RBMS3: variants seen among roughly 807,000 people sequenced by gnomAD.
RBMS3 encodes the protein RNA binding motif single stranded interacting protein 3.
A neutral mutation model predicts 66.8 loss-of-function variants in RBMS3; 27 were observed. The observed-to-expected ratio is 0.40, with a 90% CI of 0.30 to 0.56. The LOEUF is 0.56. Among genes scored for constraint, RBMS3 ranks in the 20% least tolerant of loss-of-function variants. The pLI, the probability that RBMS3 is intolerant of heterozygous loss-of-function variation, is 0.40. For missense variants in RBMS3, 513 were observed against 549.5 expected (o/e 0.93, Z 0.66); for synonymous variants, 188 against 183.0 (o/e 1.03, Z -0.22).
chr3:29,585,160 GAATA>G (rs2149090331), intron 3 of RBMS3, among the ~76,000 whole-genome samples: 1 of 152,210 alleles, frequency 6.6e-6, no homozygotes, highest in South Asian at 2.1e-4. Flanking sequence ...ATTATTGAAT[GAATA>G]AATAAGCCGA....
intron 4 of RBMS3, among the ~76,000 whole-genome samples, chr3:29,654,741 C>T (rs1484865439): frequency 6.6e-6 from 1 of 150,712 alleles, no homozygotes; most frequent in Non-Finnish European, 1.5e-5. Context: ...AGGCACACAT[C>T]ACCATGCCCA....
intron 7 of RBMS3, chr3:29,880,715 T>C: frequency 6.9e-7 from 1 of 1,442,516 alleles, no homozygotes; most frequent in Non-Finnish European, 9.4e-7. Flanking sequence ...TGCCATGTTG[T>C]TACCCACAAT....
At chr3:29,932,354 T>G (rs995647391) in intron 10 of RBMS3, among the ~76,000 whole-genome samples, 1 of 152,198 alleles carries the variant, frequency 6.6e-6, no homozygotes, top group African/African-American at 2.4e-5. Flanking sequence ...AAGCCACTTG[T>G]TTGCCTGTAA....
At chr3:29,689,917 C>CA (rs66580293) in intron 4 of RBMS3, among the ~76,000 whole-genome samples, 778 of 27,728 alleles carry the variant, frequency 0.028, 207 homozygotes, top group Middle Eastern at 0.077. Context: ...CTATCTCTAC[C>CA]AAAAAAAAAA....
intron 1 of RBMS3, among the ~76,000 whole-genome samples, chr3:29,377,163 A>G (rs986015224): frequency 1.3e-5 from 2 of 152,020 alleles, no homozygotes; most frequent in Non-Finnish European, 2.9e-5. Flanking sequence ...CAGCCTCTTT[A>G]TGGGTCTTTT....
At chr3:29,882,111 T>C (rs1306046586) in intron 7 of RBMS3, among the ~76,000 whole-genome samples, 2 of 152,056 alleles carry the variant, frequency 1.3e-5, no homozygotes, top group African/African-American at 2.4e-5. Context: ...AAGAGGGAAA[T>C]CTAATTCCAA....
intron 1 of RBMS3, among the ~76,000 whole-genome samples, chr3:29,336,794 T>G (rs960637019): frequency 3.3e-5 from 5 of 152,132 alleles, no homozygotes; most frequent in Non-Finnish European, 7.4e-5. Flanking sequence ...AACCCAGGCC[T>G]GACACTGCCT....
intron 4 of RBMS3, among the ~76,000 whole-genome samples, chr3:29,604,790 T>C (rs1478884472): frequency 6.6e-6 from 1 of 151,962 alleles, no homozygotes; most frequent in East Asian, 1.9e-4. Flanking sequence ...TATCACTCAG[T>C]AGATCTTAGC....
At chr3:29,449,953 A>G (rs1195153554) in intron 2 of RBMS3, among the ~76,000 whole-genome samples, 1 of 152,190 alleles carries the variant, frequency 6.6e-6, no homozygotes, top group Non-Finnish European at 1.5e-5. Context: ...TAGATGTAGA[A>G]TTCCATTTCA....
chr3:29,773,333 A>C (rs983416029), intron 6 of RBMS3, among the ~76,000 whole-genome samples: 6 of 152,046 alleles, frequency 3.9e-5, no homozygotes, highest in African/African-American at 1.4e-4. Flanking sequence ...ATATTTAGAA[A>C]GATAGATAAT....
At chr3:29,940,452 A>T (rs1334791471) in intron 11 of RBMS3, among the ~76,000 whole-genome samples, 1 of 151,874 alleles carries the variant, frequency 6.6e-6, no homozygotes, top group African/African-American at 2.4e-5. Flanking sequence ...CTATCCAGTG[A>T]ATAATCTAGA....
intron 5 of RBMS3, among the ~76,000 whole-genome samples, chr3:29,761,232 TCC>T (rs2055672414): frequency 6.6e-6 from 1 of 152,078 alleles, no homozygotes; most frequent in African/African-American, 2.4e-5. Context: ...ATTTGTCATA[TCC>T]ATCGATACAG....
chr3:29,641,790 T>A (rs2049725092), intron 4 of RBMS3, among the ~76,000 whole-genome samples: 1 of 151,826 alleles, frequency 6.6e-6, no homozygotes, highest in Admixed American at 6.6e-5. Context: ...CTGCACAGGG[T>A]GAGAGATGTA....
chr3:29,296,555 A>G (rs970230573), intron 1 of RBMS3, among the ~76,000 whole-genome samples: 1 of 151,730 alleles, frequency 6.6e-6, no homozygotes. Flanking sequence ...TATGTTTCTC[A>G]CTTTGAATTC....
intron 1 of RBMS3, among the ~76,000 whole-genome samples, chr3:29,400,704 G>A (rs1182250141): frequency 6.6e-6 from 1 of 152,006 alleles, no homozygotes; most frequent in African/African-American, 2.4e-5. Context: ...ATGGAAGTTG[G>A]AAATGACCGT....
At chr3:29,908,380 G>A (rs2149626151) in intron 10 of RBMS3, among the ~76,000 whole-genome samples, 1 of 152,242 alleles carries the variant, frequency 6.6e-6, no homozygotes, top group Admixed American at 6.5e-5. Context: ...AAATGCCACG[G>A]TCTTAACAAA....
intron 12 of RBMS3, among the ~76,000 whole-genome samples, chr3:29,960,691 T>G (rs113762091): frequency 0.1 from 15,581 of 152,074 alleles, 1,465 homozygotes; most frequent in African/African-American, 0.22. Flanking sequence ...AAACCTCAAT[T>G]CTTGACTTGT....
chr3:29,882,979 G>C (rs2059771507), intron 7 of RBMS3, among the ~76,000 whole-genome samples: 1 of 151,590 alleles, frequency 6.6e-6, no homozygotes, highest in African/African-American at 2.4e-5. Context: ...TCTCCCAATT[G>C]TTATATTTTA....
chr3:29,404,233 G>T (rs1170508444), intron 1 of RBMS3, among the ~76,000 whole-genome samples: 1 of 152,124 alleles, frequency 6.6e-6, no homozygotes, highest in African/African-American at 2.4e-5. Context: ...ACTGGTCACA[G>T]TTTTGAGTGG....
Sources: gnomAD v4.1 joint callset for allele counts (sites outside exome capture counted in the v4.1 genomes callset) on GRCh38, gnomAD v4.1.1 for gene constraint, MANE v1.5 for transcripts, NCBI Gene and HGNC (gene_info 2026-07-23, HGNC 2026-07-21) for gene names.